NEGR1: variants seen among roughly 807,000 people sequenced by gnomAD.
NEGR1 encodes the protein IgLON family member 4.
In NEGR1, 10 loss-of-function variants were observed where a neutral mutation model predicts 40.9. The ratio of observed to expected loss-of-function variants is 0.24; its 90% CI spans 0.15 to 0.42. NEGR1 has a LOEUF of 0.42. Among genes scored for constraint, NEGR1 ranks in the 10% least tolerant of loss-of-function variants. The probability of loss-of-function intolerance (pLI) is 1.00; values close to 1 mark genes in which losing one functional copy is unlikely to be tolerated. For synonymous variants in NEGR1, 185 were observed against 166.8 expected (o/e 1.11, Z -0.84); for missense variants, 352 against 438.9 (o/e 0.80, Z 1.77).
chr1:71,484,980 T>G (rs1354691283), intron 6 of NEGR1: 1 of 151,742 alleles, frequency 6.6e-6, no homozygotes, highest in Non-Finnish European at 1.5e-5. Flanking sequence ...AATAAACCTC[T>G]AATATTTGAA....
intron 1 of NEGR1, among the ~76,000 whole-genome samples, chr1:71,971,339 A>T (rs537841854): frequency 1.8e-4 from 27 of 152,078 alleles, no homozygotes; most frequent in African/African-American, 6.5e-4. Flanking sequence ...ATGCTTTGTT[A>T]TGACAGCCCA....
intron 6 of NEGR1, among the ~76,000 whole-genome samples, chr1:71,552,708 C>T (rs993425983): frequency 6.6e-6 from 1 of 150,810 alleles, no homozygotes; most frequent in Non-Finnish European, 1.5e-5. Flanking sequence ...CAGAATTGAG[C>T]TCAGTTCCAT....
chr1:71,972,060 A>G (rs1646260866), intron 1 of NEGR1, among the ~76,000 whole-genome samples: 1 of 152,218 alleles, frequency 6.6e-6, no homozygotes, highest in South Asian at 2.1e-4. Context: ...CCATTATCTC[A>G]GAAACATGCA....
At chr1:71,747,063 A>G (rs1655409461) in intron 3 of NEGR1, among the ~76,000 whole-genome samples, 1 of 152,184 alleles carries the variant, frequency 6.6e-6, no homozygotes, top group Non-Finnish European at 1.5e-5. Context: ...AATTAAATTG[A>G]GTGTAGGAGG....
chr1:72,012,995 G>T (rs78665786), intron 1 of NEGR1, among the ~76,000 whole-genome samples: 2 of 151,408 alleles, frequency 1.3e-5, no homozygotes, highest in East Asian at 3.9e-4. Context: ...AGGAGATATG[G>T]CATATAACAT....
chr1:71,799,252 T>A (rs1290305594), intron 2 of NEGR1, among the ~76,000 whole-genome samples: 2 of 152,116 alleles, frequency 1.3e-5, no homozygotes, highest in African/African-American at 4.8e-5. Context: ...TGTCCATGTA[T>A]TCTCATTGTT....
chr1:71,685,869 T>C (rs1653017843), intron 4 of NEGR1, among the ~76,000 whole-genome samples: 1 of 152,332 alleles, frequency 6.6e-6, no homozygotes, highest in East Asian at 1.9e-4. Context: ...AAGAAACTTA[T>C]GAAATCTTGT....
At chr1:71,780,231 A>G (rs1258894455) in intron 2 of NEGR1, among the ~76,000 whole-genome samples, 1 of 152,322 alleles carries the variant, frequency 6.6e-6, no homozygotes, top group East Asian at 1.9e-4. Flanking sequence ...AAGCCATTAA[A>G]TAACTACAGA....
chr1:72,229,869 T>C (rs966691705), intron 1 of NEGR1, among the ~76,000 whole-genome samples: 8 of 152,102 alleles, frequency 5.3e-5, no homozygotes, highest in Non-Finnish European at 1.5e-5. Flanking sequence ...GCAGAGTTAG[T>C]ACAATGAACA....
intron 4 of NEGR1, among the ~76,000 whole-genome samples, chr1:71,650,467 C>T (rs150905200): frequency 8.5e-5 from 13 of 152,254 alleles, no homozygotes; most frequent in African/African-American, 3.1e-4. Flanking sequence ...TTAAAAAGTA[C>T]ATTGAACCTG....
intron 2 of NEGR1, among the ~76,000 whole-genome samples, chr1:71,856,357 A>G (rs995819642): frequency 2.0e-5 from 3 of 152,124 alleles, no homozygotes; most frequent in African/African-American, 7.2e-5. Context: ...TCCTATGAGT[A>G]AGCACATGAT....
intron 1 of NEGR1, among the ~76,000 whole-genome samples, chr1:72,091,332 C>G (rs1319824273): frequency 6.6e-6 from 1 of 150,394 alleles, no homozygotes; most frequent in Non-Finnish European, 1.5e-5. Flanking sequence ...TCCTCCACCA[C>G]TCTTTTTCTC....
chr1:71,823,527 A>C (rs1658508751), intron 2 of NEGR1, among the ~76,000 whole-genome samples: 1 of 151,998 alleles, frequency 6.6e-6, no homozygotes, highest in African/African-American at 2.4e-5. Context: ...CCTTGCTGCC[A>C]AAACTGATAA....
rs541446621 is a variant in NEGR1, at chr1:71,754,034, ATGGAAC to A, written c.535+22132_535+22137del. On this transcript the variant is annotated intron_variant, in intron 3 of 6. Coordinates refer to ENST00000357731, the MANE Select transcript of NEGR1 (RefSeq NM_173808.3). Reference sequence around the variant, plus strand: ...GCACACATGATTTCAGGATAAAGCAATGGAACAGAACTAAGAGAGAGACAGAGGGTA... The same window carrying A: ...GCACACATGATTTCAGGATAAAGCAAAGAACTAAGAGAGAGACAGAGGGTA... 7.9e-5 allele frequency among the ~76,000 whole-genome samples: 12 copies of A among 151,276 alleles called. No homozygotes were observed. In the East Asian group the frequency reaches 2.3e-3, roughly 29 times the overall value.
chr1:72,010,936 T>C (rs1244129835), intron 1 of NEGR1, among the ~76,000 whole-genome samples: 1 of 152,118 alleles, frequency 6.6e-6, no homozygotes, highest in Admixed American at 6.6e-5. Flanking sequence ...AGATCCCTTG[T>C]TATAAAGAGG....
At chr1:71,914,648 C>T (rs559928767) in intron 2 of NEGR1, among the ~76,000 whole-genome samples, 10 of 152,154 alleles carry the variant, frequency 6.6e-5, no homozygotes, top group Non-Finnish European at 8.8e-5. Flanking sequence ...AAAGCATCCA[C>T]ATACTACAGT....
chr1:72,082,396 T>C (rs1648039976), intron 1 of NEGR1, among the ~76,000 whole-genome samples: 1 of 152,150 alleles, frequency 6.6e-6, no homozygotes, highest in Admixed American at 6.6e-5. Flanking sequence ...TTTTTATGAA[T>C]ATATTAACTT....
chr1:72,029,352 G>GAAGAAACA (rs1442576028), intron 1 of NEGR1, among the ~76,000 whole-genome samples: 1 of 151,990 alleles, frequency 6.6e-6, no homozygotes, highest in Non-Finnish European at 1.5e-5. Context: ...AAAGAAAAGG[G>GAAGAAACA]AAGAAACAAA....
At chr1:71,942,484 T>TATATATATATA (rs34446850) in intron 1 of NEGR1, among the ~76,000 whole-genome samples, 53 of 4,724 alleles carry the variant, frequency 0.011, 3 homozygotes, top group Middle Eastern at 0.25. Flanking sequence ...TATATATATA[T>TATATATATATA]TTTTTTTTTT....
Sources: gnomAD v4.1 joint callset for allele counts (sites outside exome capture counted in the v4.1 genomes callset) on GRCh38, gnomAD v4.1.1 for gene constraint, MANE v1.5 for transcripts, NCBI Gene and HGNC (gene_info 2026-07-23, HGNC 2026-07-21) for gene names.